Variants in AGO3 observed in about 807,000 individuals in gnomAD.
The protein encoded by AGO3 is argonaute RISC catalytic component 3, also known as protein argonaute-3.
A neutral mutation model predicts 105.5 loss-of-function variants in AGO3; 16 were observed. The observed-to-expected ratio is 0.15, with a 90% confidence interval of 0.10 to 0.23. The LOEUF (loss-of-function observed/expected upper bound fraction) is 0.23, where lower values mean the gene tolerates loss of function less well. Ranked by LOEUF, AGO3 falls within the 10% of genes least tolerant of loss-of-function variation. The pLI, the probability that AGO3 is intolerant of heterozygous loss-of-function variation, is 1.00. For missense variants in AGO3, 534 were observed against 1,088.0 expected (o/e 0.49, Z 7.16); for synonymous variants, 340 against 367.3 (o/e 0.93, Z 0.85).
At position 35,938,052 on chromosome 1, in the gene AGO3, C is replaced by G. The variant is rs1407565063; in HGVS notation, c.19+6607C>G. On this transcript the variant is annotated intron_variant, in intron 1 of 18. Coordinates refer to ENST00000373191, the MANE Select transcript of AGO3 (RefSeq NM_024852.4). Reference sequence around the variant, plus strand: ...CTGGAGTGCAATGGCATGATCTCGGCTCACTGCAACCTCCGCCTCCTGGGC... The same window carrying G: ...CTGGAGTGCAATGGCATGATCTCGGGTCACTGCAACCTCCGCCTCCTGGGC... 2.7e-5 allele frequency among the ~76,000 whole-genome samples: 4 copies of G among 149,418 alleles called. No individual in the cohort carries two copies. In the Admixed American group the frequency reaches 2.7e-4, roughly 10 times the overall value.
At chr1:35,951,424 A>AT (rs1249749779) in intron 2 of AGO3, among the ~76,000 whole-genome samples, 2 of 151,488 alleles carry the variant, frequency 1.3e-5, no homozygotes, top group Non-Finnish European at 2.9e-5. Context: ...TTGAAACAGG[A>AT]TCTCGCTCTG....
intron 5 of AGO3, among the ~76,000 whole-genome samples, chr1:35,978,899 A>G (rs936210904): frequency 6.6e-6 from 1 of 152,132 alleles, no homozygotes; most frequent in Non-Finnish European, 1.5e-5. Context: ...TATTTTTATT[A>G]TATTCTAGAA....
At chr1:36,013,832 A>T (rs531973599) in intron 10 of AGO3, 80 bp downstream of exon 10, 1 of 1,600,976 alleles carries the variant, frequency 6.2e-7, no homozygotes, top group Non-Finnish European at 8.5e-7. Context: ...AAATATTTCA[A>T]TTCAGCGATT....
intron 2 of AGO3, among the ~76,000 whole-genome samples, chr1:35,957,911 T>C (rs1241609008): frequency 6.7e-6 from 1 of 150,244 alleles, no homozygotes; most frequent in Non-Finnish European, 1.5e-5. Flanking sequence ...ATGAAAAATT[T>C]AAAGATTAGC....
rs138213466 is a variant in AGO3, at chr1:35,994,422, G to T, written c.659-9919G>T. Among the ~76,000 whole-genome samples the T allele has an allele frequency of 2.6e-5, 4 of 152,198 alleles. No homozygotes were observed. In the East Asian group the frequency reaches 7.7e-4, roughly 29 times the overall value. On this transcript the variant is annotated intron_variant, in intron 5 of 18. Transcript: ENST00000373191. ...TTAAAAACACTTAGAAAAGCATACA[G>T]GCATCATCATACTTCTGTGGTGAAA...
chr1:36,022,319 G>A (rs1278905011), intron 11 of AGO3, among the ~76,000 whole-genome samples: 1 of 151,706 alleles, frequency 6.6e-6, no homozygotes, highest in Non-Finnish European at 1.5e-5. Flanking sequence ...CTCCTGCTTC[G>A]GCCACCCAAA....
chr1:35,951,372 T>C (rs1646467862), intron 2 of AGO3, among the ~76,000 whole-genome samples: 1 of 152,200 alleles, frequency 6.6e-6, no homozygotes, highest in Non-Finnish European at 1.5e-5. Context: ...TTCATATTGA[T>C]ATAATGTTTA....
In AGO3 at chr1:35,975,538, G is replaced by GT. The variant is rs544970765; in HGVS notation, c.658+2035dup. ...GTCTTTTGACCTTTGGTATTGTGAT[G>GT]TTTTTTTTGTTGTTGTTTTTGTTTT... On this transcript the variant is annotated intron_variant, in intron 5 of 18. Coordinates refer to ENST00000373191, the MANE Select transcript of AGO3 (RefSeq NM_024852.4). 2.8e-3 allele frequency among the ~76,000 whole-genome samples: 422 copies of GT among 150,344 alleles called. 2 individuals are homozygous for GT. Among genetic ancestry groups the GT allele is most frequent in the African/African-American group, 7.8e-3 (314 of 40,350 alleles).
rs948667682 is a variant in AGO3 at position 36,069,683 on chromosome 1, CT to C, written c.*13942del. On this transcript the variant is annotated 3_prime_UTR_variant, in exon 19 of 19. Coordinates refer to ENST00000373191, the MANE Select transcript of AGO3 (RefSeq NM_024852.4). ...ATAATAATCCTTGGCAAAAGCATAACTTTTCAAAAACCAAATGATTTTAGTG... is the reference window on the plus strand; with the variant it reads ...ATAATAATCCTTGGCAAAAGCATAACTTTCAAAAACCAAATGATTTTAGTG... 1 of 152,208 alleles carries C rather than the reference CT, an allele frequency of 6.6e-6. No individual in the cohort carries two copies. The highest frequency in any genetic ancestry group is 1.5e-5 in the Non-Finnish European group (1 of 68,042). 9.4% of individuals were successfully genotyped at this position (152,208 alleles called of 1,614,324 possible). A position where few individuals can be genotyped will look rare whatever the true frequency, so the allele number is the denominator to read the frequency against.
intron 14 of AGO3, 94 bp downstream of exon 14, chr1:36,036,361 C>A: frequency 8.4e-7 from 1 of 1,193,768 alleles, no homozygotes; most frequent in Non-Finnish European, 1.2e-6. Flanking sequence ...TTCTTTGTAG[C>A]CAACTTTCAT....
chr1:36,047,476 G>C (rs1249419210), intron 17 of AGO3, among the ~76,000 whole-genome samples: 1 of 151,832 alleles, frequency 6.6e-6, no homozygotes, highest in African/African-American at 2.4e-5. Context: ...GAATGAAAAA[G>C]AGTGAAGAGC....
At chr1:35,998,057 CCTT>C (rs1557674698) in intron 5 of AGO3, among the ~76,000 whole-genome samples, 1 of 152,068 alleles carries the variant, frequency 6.6e-6, no homozygotes, top group African/African-American at 2.4e-5. Flanking sequence ...ATTTAAATGA[CCTT>C]AATACATTCA....
In AGO3 at chr1:35,942,587, A is replaced by G. The variant is rs140609108; in HGVS notation, c.20-3105A>G. On this transcript the variant is annotated intron_variant, in intron 1 of 18. Coordinates refer to ENST00000373191, the MANE Select transcript of AGO3 (RefSeq NM_024852.4). Reference sequence around the variant, plus strand: ...TTAATTTATTTGGAGGACTTTTAAGATTTTTTTAATGTAATTTTTAGTTTA... The same window carrying G: ...TTAATTTATTTGGAGGACTTTTAAGGTTTTTTTAATGTAATTTTTAGTTTA... Among the ~76,000 whole-genome samples, 66 of 152,126 alleles carry G rather than the reference A, an allele frequency of 4.3e-4. No individual in the cohort carries two copies. The East Asian group carries it at 0.012, about 27-fold the overall frequency.
chr1:35,940,683 AG>A (rs1305075170), intron 1 of AGO3, among the ~76,000 whole-genome samples: 1 of 152,184 alleles, frequency 6.6e-6, no homozygotes, highest in Non-Finnish European at 1.5e-5. Flanking sequence ...GTTTTTATCA[AG>A]GTCAGCAAAG....
intron 13 of AGO3, 46 bp downstream of exon 13, chr1:36,034,379 A>G: frequency 6.9e-6 from 10 of 1,440,164 alleles, no homozygotes; most frequent in Non-Finnish European, 9.4e-6. Context: ...TTATATCTTC[A>G]TTTGTCTATA....
At chr1:36,024,436 C>T (rs1361599673) in intron 11 of AGO3, among the ~76,000 whole-genome samples, 2 of 152,102 alleles carry the variant, frequency 1.3e-5, no homozygotes, top group Admixed American at 6.6e-5. Flanking sequence ...CGCACTCTGC[C>T]GACCTTCTTG....
rs1209943510 is a variant in AGO3 at position 35,967,081 on chromosome 1, A to G, written c.312+6A>G. The stretch of plus-strand genomic sequence containing the variant: ...TTCCTGTGGCAACTACAGGGGTAAG[A>G]TATGCATTCCTGTATTGGAAAGGTA... On this transcript the variant is annotated splice_donor_region_variant and intron_variant, in intron 3 of 18. Coordinates refer to ENST00000373191, the MANE Select transcript of AGO3 (RefSeq NM_024852.4). The G allele has an allele frequency of 6.2e-7, 1 of 1,605,862 alleles. No individual in the cohort carries two copies. The highest frequency in any genetic ancestry group is 1.3e-5 in the African/African-American group (1 of 74,432).
chr1:36,037,308 C>T (rs916352992), intron 14 of AGO3, among the ~76,000 whole-genome samples: 3 of 151,968 alleles, frequency 2.0e-5, no homozygotes, highest in East Asian at 1.9e-4. Flanking sequence ...GATCGCTTGA[C>T]GTCAGGAGTT....
chr1:35,951,712 A>G (rs1646472996), intron 2 of AGO3, among the ~76,000 whole-genome samples: 1 of 152,204 alleles, frequency 6.6e-6, no homozygotes, highest in African/African-American at 2.4e-5. Flanking sequence ...TTAGAAAGAA[A>G]AAAGTAAATC....
Sources: gnomAD v4.1 joint callset for allele counts (sites outside exome capture counted in the v4.1 genomes callset) on GRCh38, gnomAD v4.1.1 for gene constraint, MANE v1.5 for transcripts, NCBI Gene and HGNC (gene_info 2026-07-23, HGNC 2026-07-21) for gene names.